The following ARHGAP9 variants were observed in gnomAD, a reference collection of about 807,000 sequenced individuals.
ARHGAP9 encodes rho GTPase-activating protein 9.
A neutral mutation model predicts 87.3 loss-of-function variants in ARHGAP9; 76 were observed. The ratio of observed to expected loss-of-function variants is 0.87; its 90% CI spans 0.72 to 1.05. The LOEUF is 1.05. Ranked by LOEUF, ARHGAP9 falls within the 50% of genes least tolerant of loss-of-function variation. The pLI is 0.00. For synonymous variants in ARHGAP9, 382 were observed against 394.9 expected (o/e 0.97, Z 0.39); for missense variants, 941 against 960.5 (o/e 0.98, Z 0.27).
intron 1 of ARHGAP9, chr12:57,488,580 C>T: frequency 1.3e-6 from 2 of 1,550,980 alleles, no homozygotes; most frequent in Non-Finnish European, 1.7e-6. Flanking sequence ...TCTCTCCCCT[C>T]CTAACACACA....
At chr12:57,486,078 C>T (rs1401330836) in intron 1 of ARHGAP9, among the ~76,000 whole-genome samples, 1 of 152,078 alleles carries the variant, frequency 6.6e-6, no homozygotes, top group African/African-American at 2.4e-5. Flanking sequence ...TTCAAAAGGC[C>T]CAGAACCTCC....
intron 1 of ARHGAP9, chr12:57,488,386 C>G: frequency 1.4e-6 from 1 of 720,624 alleles, no homozygotes; most frequent in East Asian, 2.7e-5. Flanking sequence ...CTTTAATTAC[C>G]CTCAATATAA....
At position 57,474,470 on chromosome 12, in the gene ARHGAP9, G is replaced by A. The variant is rs1359812172; in HGVS notation, c.1736C>T (p.Ala579Val). Reference sequence around the variant, plus strand: ...CACATACCTCCCATCGGAGGTGACCGCACGCTCTGCAACATGAATGAGGAG... The same window carrying A: ...CACATACCTCCCATCGGAGGTGACCACACGCTCTGCAACATGAATGAGGAG... ...KLRFLVDRER[A>V]VTSDGRYVFP... Residue 579 changes from alanine to valine, a missense_variant, in exon 15 of 18, where the codon GCG becomes GTG. Transcript: ENST00000393791. The A allele has an allele frequency of 6.2e-6, 10 of 1,614,094 alleles. No homozygotes were observed. The highest frequency in any genetic ancestry group is 7.6e-6 in the Non-Finnish European group (9 of 1,180,016).
At chr12:57,476,524 T>C in intron 7 of ARHGAP9, 66 bp downstream of exon 7, 1 of 1,611,290 alleles carries the variant, frequency 6.2e-7, no homozygotes, top group Non-Finnish European at 8.5e-7. Context: ...GAGGGTGCTC[T>C]TCCAACACCC....
chr12:57,482,796 T>C (rs1265633408), upstream of ARHGAP9, among the ~76,000 whole-genome samples: 1 of 151,946 alleles, frequency 6.6e-6, no homozygotes, highest in Non-Finnish European at 1.5e-5. Flanking sequence ...CATTGTCAAT[T>C]AAGATGGTAA....
chr12:57,472,776 G>A (rs1594755503), intron 17 of ARHGAP9, 88 bp from the exon 18 acceptor site: 2 of 1,417,112 alleles, frequency 1.4e-6, no homozygotes, highest in Non-Finnish European at 2.0e-6. Flanking sequence ...TCTGAGCAGG[G>A]AAGAGTTCAC....
chr12:57,476,134 C>G lies in ARHGAP9; in HGVS notation c.1149G>C (p.Val383=). The change falls in exon 9 of 18, where the codon GTG becomes GTC. Residue 383 remains valine, a synonymous_variant. Transcript: ENST00000393791. ...GPAGSRPESS[V]DLRGAALAHG... ...GCGCCAGGGCCGCCCCGCGCAGGTC[C>G]ACGCTACTTTCGGGCCGGCTACCCG... The G allele has an allele frequency of 6.5e-7, 1 of 1,543,682 alleles. No homozygotes were observed. Among genetic ancestry groups the G allele is most frequent in the African/African-American group, 1.4e-5 (1 of 73,034 alleles).
At chr12:57,488,595 C>G (rs1346280495) in intron 1 of ARHGAP9, 1 of 1,551,122 alleles carries the variant, frequency 6.4e-7, no homozygotes, top group South Asian at 1.2e-5. Context: ...CACACACACA[C>G]GTTCCTTTCT....
At chr12:57,480,971 A>G, upstream of ARHGAP9, 1 of 749,238 alleles carries the variant, frequency 1.3e-6, no homozygotes, top group Non-Finnish European at 2.3e-6. Flanking sequence ...AGTTTACTTC[A>G]CTTCAACACA....
chr12:57,481,982 C>T (rs751947064), upstream of ARHGAP9, among the ~76,000 whole-genome samples: 1 of 152,160 alleles, frequency 6.6e-6, no homozygotes, highest in African/African-American at 2.4e-5. Context: ...TTCTCTGGGG[C>T]TCCCATCTAA....
chr12:57,474,996 G>C (rs757610187), intron 12 of ARHGAP9, 23 bp from the exon 13 acceptor site: 1 of 1,607,942 alleles, frequency 6.2e-7, no homozygotes, highest in Non-Finnish European at 8.5e-7. Flanking sequence ...AGTGAGGCGG[G>C]AAGCCAGTGC....
upstream of ARHGAP9, chr12:57,483,928 C>G (rs140637201): frequency 7.8e-3 from 3,514 of 452,552 alleles, 109 homozygotes; most frequent in African/African-American, 0.066. Flanking sequence ...GTAGTCCCAG[C>G]TACTTGGGAG....
At chr12:57,487,405 T>C (rs1240202772) in intron 1 of ARHGAP9, 1 of 152,222 alleles carries the variant, frequency 6.6e-6, no homozygotes. Flanking sequence ...CGAGAGCCAC[T>C]GCGAGTAGCT....
rs73344074 is a variant in ARHGAP9, at chr12:57,472,417, A to C, written c.*100T>G. ...AAGTCACACTCATGAAGATAGAGAC[A>C]GTCATTTGGGAGATTTAAAGGGATA... is the stretch of plus-strand genomic sequence containing the variant. On this transcript the variant is annotated 3_prime_UTR_variant, in exon 18 of 18. Coordinates refer to ENST00000393791, the MANE Select transcript of ARHGAP9 (RefSeq NM_032496.4). 3.7e-4 allele frequency: 510 copies of C among 1,384,028 alleles called. 2 individuals carry two copies. The African/African-American group carries it at 6.4e-3, about 17-fold the overall frequency. The allele number at this position is 1,384,028 out of a possible 1,614,324, so 85.7% of individuals were successfully genotyped here. A position where few individuals can be genotyped will look rare whatever the true frequency, so the allele number is the denominator to read the frequency against.
chr12:57,478,243 C>T, intron 3 of ARHGAP9: 1 of 394,146 alleles, frequency 2.5e-6, no homozygotes, highest in South Asian at 2.6e-5. Flanking sequence ...TGCCCTGTCC[C>T]CTCAGGGCCT....
upstream of ARHGAP9, among the ~76,000 whole-genome samples, chr12:57,484,443 C>T (rs1000100975): frequency 2.6e-5 from 4 of 151,846 alleles, no homozygotes; most frequent in African/African-American, 9.7e-5. Context: ...TAACTTTAAT[C>T]ACACTTTAAG....
Position 57,488,121 on chromosome 12 carries a change from G to A in ARHGAP9, c.-204+491C>T, listed in dbSNP as rs750309467. 2.4e-5 allele frequency: 39 copies of A among 1,614,072 alleles called. No homozygotes were observed. Among genetic ancestry groups the A allele is most frequent in the Non-Finnish European group, 3.1e-5 (37 of 1,180,050 alleles). The stretch of plus-strand genomic sequence containing the variant: ...ACTGTTCGTGAGTGATGGCGTCCCG[G>A]GTTGCTTGCCGGTGCTGGCCGCCGC... On this transcript the variant is annotated intron_variant, in intron 1 of 20. Transcript: ENST00000393797.
intron 17 of ARHGAP9, 129 bp from the exon 18 acceptor site, chr12:57,472,817 A>C: frequency 6.2e-6 from 6 of 970,344 alleles, no homozygotes; most frequent in Non-Finnish European, 9.3e-6. Flanking sequence ...TAACAAAAAA[A>C]CCAAGGAGAT....
Position 57,479,208 on chromosome 12 carries a change from G to A in ARHGAP9, c.199C>T (p.Leu67=). ...TNSDWWLARR[L]EAPSTSRPIF... ...GGTCGAGAGGTGGAGGGAGCTTCTA[G>A]GCGTCTTGCCAACCACCAGTCGGAG... Residue 67 remains leucine (L), a synonymous_variant, in exon 2 of 18, where the codon CTA becomes TTA. Transcript: ENST00000393791. 3 of 1,614,212 alleles carry A rather than the reference G, an allele frequency of 1.9e-6. No individual in the cohort carries two copies. The highest frequency in any genetic ancestry group is 8.5e-7 in the Non-Finnish European group (1 of 1,180,028).
Sources: allele counts gnomAD v4.1 joint callset (sites outside exome capture counted in the v4.1 genomes callset), GRCh38; gene constraint gnomAD v4.1.1; transcripts MANE v1.5; gene names NCBI Gene and HGNC (gene_info 2026-07-23, HGNC 2026-07-21).